The following FBXL13 variants were observed in gnomAD, a reference collection of about 807,000 sequenced individuals.
FBXL13 encodes F-box and leucine-rich repeat protein 13.
FBXL13 carries 67 observed loss-of-function variants against 83.6 expected under a neutral mutation model. The ratio of observed to expected loss-of-function variants is 0.80; its 90% confidence interval spans 0.66 to 0.98. The LOEUF is 0.98. Among genes scored for constraint, FBXL13 ranks in the 50% least tolerant of loss-of-function variants. The pLI, the probability that FBXL13 is intolerant of heterozygous loss-of-function variation, is 0.00. For missense variants in FBXL13, 822 were observed against 866.5 expected, an observed-to-expected ratio of 0.95 and a Z score of 0.64; for synonymous variants, 272 against 299.5, an observed-to-expected ratio of 0.91 and a Z score of 0.95.
chr7:102,850,055 C>A (rs1035375119), intron 17 of FBXL13, among the ~76,000 whole-genome samples: 5 of 151,560 alleles, frequency 3.3e-5, no homozygotes, highest in African/African-American at 9.7e-5. Context: ...TTGAGTAGAA[C>A]AACTAATCTT....
intron 6 of FBXL13, among the ~76,000 whole-genome samples, chr7:102,977,668 A>G (rs1827661055): frequency 6.6e-6 from 1 of 152,232 alleles, no homozygotes; most frequent in South Asian, 2.1e-4. Flanking sequence ...TTGTGGCACT[A>G]TTCACAATAG....
downstream of FBXL13, among the ~76,000 whole-genome samples, chr7:102,812,320 G>C (rs1383039438): frequency 6.6e-6 from 1 of 152,188 alleles, no homozygotes; most frequent in Admixed American, 6.5e-5. Context: ...ATACTTCCTA[G>C]CATAAAATTG....
At chr7:102,939,895 T>C (rs577377912) in intron 8 of FBXL13, among the ~76,000 whole-genome samples, 2 of 140,444 alleles carry the variant, frequency 1.4e-5, no homozygotes, top group African/African-American at 5.0e-5. Context: ...AATGTAGTGG[T>C]TTTTTTTTTG....
intron 16 of FBXL13, chr7:102,857,320 G>A (rs889737061): frequency 2.6e-5 from 4 of 152,124 alleles, no homozygotes; most frequent in African/African-American, 9.7e-5. Flanking sequence ...AGACATGTGT[G>A]AACTAGTCAT....
intron 16 of FBXL13, among the ~76,000 whole-genome samples, chr7:102,876,320 T>C (rs1408417352): frequency 1.3e-5 from 2 of 152,124 alleles, no homozygotes; most frequent in African/African-American, 4.8e-5. Flanking sequence ...GAATTCCAGC[T>C]TGGACAGAAG....
At chr7:102,845,240 C>T (rs943315387) in intron 17 of FBXL13, among the ~76,000 whole-genome samples, 1 of 152,110 alleles carries the variant, frequency 6.6e-6, no homozygotes, top group African/African-American at 2.4e-5. Context: ...CAAGAACTCA[C>T]CAAGAGTCAC....
rs113088587 is a variant in FBXL13, at chr7:102,912,985, C to A, written c.1008+101G>T. The A allele has an allele frequency of 9.5e-5, 138 of 1,447,138 alleles. No individual in the cohort carries two copies. The African/African-American group carries it at 1.7e-3, about 18-fold the overall frequency. The allele number at this position is 1,447,138 out of a possible 1,614,324, so 89.6% of individuals were successfully genotyped here. The stretch of plus-strand genomic sequence containing the variant: ...TTTAAAACCTCTGAAAAGTGTGCTG[C>A]GGTCCGTGCACAGCATTAGTATAAC... On this transcript the variant is annotated intron_variant, in intron 11 of 19. Coordinates refer to ENST00000313221, the Ensembl canonical transcript of FBXL13.
chr7:103,040,404 T>C (rs1375905502), intron 2 of FBXL13, among the ~76,000 whole-genome samples: 1 of 152,054 alleles, frequency 6.6e-6, no homozygotes, highest in African/African-American at 2.4e-5. Flanking sequence ...CTGTCAACAT[T>C]AGACAGATCA....
intron 16 of FBXL13, among the ~76,000 whole-genome samples, chr7:102,873,855 T>A (rs183638284): frequency 6.6e-6 from 1 of 152,312 alleles, no homozygotes; most frequent in African/African-American, 2.4e-5. Flanking sequence ...CAGAACACCT[T>A]TCTTCTCTGG....
chr7:102,951,959 T>C (rs1823493781), intron 8 of FBXL13, among the ~76,000 whole-genome samples: 1 of 152,236 alleles, frequency 6.6e-6, no homozygotes, highest in African/African-American at 2.4e-5. Context: ...CTGTCTATTA[T>C]TGGAAGAATG....
chr7:102,913,805 A>G (rs1815258517), intron 10 of FBXL13, among the ~76,000 whole-genome samples: 1 of 152,230 alleles, frequency 6.6e-6, no homozygotes, highest in Non-Finnish European at 1.5e-5. Context: ...TTAAAGAAAG[A>G]CTAATTGATA....
At chr7:102,839,915 C>T (rs2129448980) in intron 17 of FBXL13, among the ~76,000 whole-genome samples, 1 of 152,034 alleles carries the variant, frequency 6.6e-6, no homozygotes, top group Admixed American at 6.5e-5. Flanking sequence ...ATTTTCTTGT[C>T]ACACCAAAAA....
intron 15 of FBXL13, 56 bp from the exon 17 acceptor site, chr7:102,877,649 A>AT: frequency 6.5e-7 from 1 of 1,534,242 alleles, no homozygotes; most frequent in Non-Finnish European, 8.8e-7. Context: ...TCAGTAAGCA[A>AT]TTTCTTCATA....
intron 17 of FBXL13, among the ~76,000 whole-genome samples, chr7:102,835,236 T>C (rs968495357): frequency 6.6e-6 from 1 of 152,188 alleles, no homozygotes; most frequent in African/African-American, 2.4e-5. Context: ...GTCTGTCTTG[T>C]CTGGCAACTA....
intron 10 of FBXL13, among the ~76,000 whole-genome samples, chr7:102,914,783 T>A (rs1815492321): frequency 6.6e-6 from 1 of 152,154 alleles, no homozygotes; most frequent in Admixed American, 6.5e-5. Context: ...AGTGCTAATA[T>A]CCCAAAGACA....
At chr7:103,006,033 T>A (rs758332348) in intron 6 of FBXL13, among the ~76,000 whole-genome samples, 28 of 152,180 alleles carry the variant, frequency 1.8e-4, no homozygotes, top group Non-Finnish European at 3.8e-4. Flanking sequence ...TGCTTTCAGA[T>A]GTGGATAACA....
At chr7:102,937,458 G>T (rs1820546547) in intron 8 of FBXL13, among the ~76,000 whole-genome samples, 1 of 137,368 alleles carries the variant, frequency 7.3e-6, no homozygotes, top group Admixed American at 8.1e-5. Context: ...AGTGAGCTGA[G>T]ATCACGCCAC....
rs1385994643 is a variant in FBXL13, at chr7:102,854,875, T to C, written c.1636-15A>G. Reference sequence around the variant, plus strand: ...ACATTCAAACCCTAAAAATATTTAATATAAAGATCATTTTGTGATTATCAT... The same window carrying C: ...ACATTCAAACCCTAAAAATATTTAACATAAAGATCATTTTGTGATTATCAT... On this transcript the variant is annotated splice_polypyrimidine_tract_variant and intron_variant, in intron 16 of 19. Transcript: ENST00000313221. 2 of 1,410,452 alleles carry C rather than the reference T, an allele frequency of 1.4e-6. No individual in the cohort carries two copies. The highest frequency in any genetic ancestry group is 3.8e-5 in the Admixed American group (2 of 52,796). 87.4% of individuals were successfully genotyped at this position (1,410,452 alleles called of 1,614,324 possible). A position where few individuals can be genotyped will look rare whatever the true frequency, so the allele number is the denominator to read the frequency against.
intron 17 of FBXL13, among the ~76,000 whole-genome samples, chr7:102,835,924 C>A (rs1449411368): frequency 6.6e-6 from 1 of 152,114 alleles, no homozygotes; most frequent in Admixed American, 6.6e-5. Flanking sequence ...ATTGTTTTTC[C>A]CTTGTTAGAG....
Sources: gnomAD v4.1 joint callset for allele counts (sites outside exome capture counted in the v4.1 genomes callset) on GRCh38, gnomAD v4.1.1 for gene constraint, MANE v1.5 for transcripts, NCBI Gene and HGNC (gene_info 2026-07-23, HGNC 2026-07-21) for gene names.